The following CNTNAP2 variants were observed in gnomAD, a reference collection of about 807,000 sequenced individuals.
CNTNAP2 encodes the protein contactin associated protein 2.
CNTNAP2 carries 98 observed loss-of-function variants against 155.2 expected under a neutral mutation model. The ratio of observed to expected loss-of-function variants is 0.63; its 90% CI spans 0.54 to 0.75. The LOEUF (loss-of-function observed/expected upper bound fraction) is 0.75, where lower values mean the gene tolerates loss of function less well. Among genes scored for constraint, CNTNAP2 ranks in the 30% least tolerant of loss-of-function variants. The probability of loss-of-function intolerance (pLI) is 0.00; values close to 1 mark genes in which losing one functional copy is unlikely to be tolerated. For synonymous variants in CNTNAP2, 651 were observed against 631.2 expected (o/e 1.03, Z -0.47); for missense variants, 1,727 against 1,688.1 (o/e 1.02, Z -0.40).
intron 1 of CNTNAP2, among the ~76,000 whole-genome samples, chr7:146,375,945 C>T (rs1038781985): frequency 3.9e-5 from 6 of 152,110 alleles, no homozygotes; most frequent in Non-Finnish European, 8.8e-5. Flanking sequence ...TTTGCCTTCA[C>T]CCTAACAGAA....
rs189059792 is a variant in CNTNAP2 at position 148,214,593 on chromosome 7, G to C, written c.3011-2695G>C. Among the ~76,000 whole-genome samples, 563 of 152,230 alleles carry C rather than the reference G, an allele frequency of 3.7e-3. 15 individuals carry two copies. Among genetic ancestry groups the C allele is most frequent in the Admixed American group, 0.032 (486 of 15,266 alleles). ...TTTTTATGTATTTATTTATTTTTGA[G>C]ATGGAGTCTCTCTCTGCGGCCAGGC... On this transcript the variant is annotated intron_variant, in intron 18 of 23. Transcript: ENST00000361727.
chr7:148,072,001 C>T (rs181857857), intron 15 of CNTNAP2, among the ~76,000 whole-genome samples: 26 of 152,236 alleles, frequency 1.7e-4, no homozygotes, highest in Non-Finnish European at 2.8e-4. Flanking sequence ...ATCTGACTAG[C>T]GTATTAGTTA....
intron 23 of CNTNAP2, among the ~76,000 whole-genome samples, chr7:148,411,947 G>C (rs1052388898): frequency 5.3e-5 from 8 of 151,036 alleles, no homozygotes; most frequent in African/African-American, 2.0e-4. Context: ...CTTTATTGTT[G>C]TATCTTTTTT....
intron 21 of CNTNAP2, among the ~76,000 whole-genome samples, chr7:148,372,476 G>A (rs1250424876): frequency 6.6e-6 from 1 of 152,170 alleles, no homozygotes; most frequent in Non-Finnish European, 1.5e-5. Context: ...GGGAGGCAGA[G>A]GAGGGTAGAC....
chr7:148,212,685 C>T (rs1323594772), intron 18 of CNTNAP2, among the ~76,000 whole-genome samples: 3 of 152,120 alleles, frequency 2.0e-5, no homozygotes, highest in Non-Finnish European at 4.4e-5. Flanking sequence ...TTCAGTTATT[C>T]ATTCAGAAGA....
chr7:148,305,950 CTT>C (rs1219893773), intron 21 of CNTNAP2, among the ~76,000 whole-genome samples: 2 of 152,294 alleles, frequency 1.3e-5, no homozygotes, highest in African/African-American at 2.4e-5. Flanking sequence ...ATGACTTTCT[CTT>C]TGTTGATCTA....
chr7:146,870,237 A>G (rs1370224201), intron 3 of CNTNAP2, among the ~76,000 whole-genome samples: 1 of 149,340 alleles, frequency 6.7e-6, no homozygotes, highest in Non-Finnish European at 1.5e-5. Context: ...TTGGCAGGCT[A>G]TTTATTACTG....
chr7:146,575,644 A>G (rs1311311097), intron 1 of CNTNAP2, among the ~76,000 whole-genome samples: 1 of 152,220 alleles, frequency 6.6e-6, no homozygotes, highest in East Asian at 1.9e-4. Flanking sequence ...ATACTGGTGG[A>G]AAAGGCCAGA....
chr7:146,987,083 G>A lies in CNTNAP2; in HGVS notation c.403-56824G>A, dbSNP rs1267073424. Among the ~76,000 whole-genome samples the A allele has an allele frequency of 3.3e-5, 5 of 152,108 alleles. No individual in the cohort carries two copies. In the East Asian group the frequency reaches 7.7e-4, roughly 23 times the overall value. On this transcript the variant is annotated intron_variant, in intron 3 of 23. Transcript: ENST00000361727. ...ACAAAGAACCTGGAACACAGGCAAA[G>A]CTCAATAATTTTATTAAATTCAAAC...
intron 21 of CNTNAP2, among the ~76,000 whole-genome samples, chr7:148,304,556 T>C (rs928693825): frequency 6.6e-6 from 1 of 152,210 alleles, no homozygotes; most frequent in African/African-American, 2.4e-5. Flanking sequence ...AGAGTCTCTG[T>C]TGCAGTTACT....
intron 1 of CNTNAP2, among the ~76,000 whole-genome samples, chr7:146,339,223 A>G (rs760845895): frequency 2.0e-5 from 3 of 152,188 alleles, no homozygotes; most frequent in African/African-American, 7.2e-5. Flanking sequence ...AGAATCTAGT[A>G]TAATGCTATG....
At chr7:147,883,890 A>G (rs1020725449) in intron 13 of CNTNAP2, among the ~76,000 whole-genome samples, 1 of 152,206 alleles carries the variant, frequency 6.6e-6, no homozygotes, top group African/African-American at 2.4e-5. Context: ...CAACAGCTCA[A>G]CTCTACTGGA....
chr7:147,141,607 G>A (rs953628161), intron 8 of CNTNAP2, among the ~76,000 whole-genome samples: 1 of 151,990 alleles, frequency 6.6e-6, no homozygotes, highest in Non-Finnish European at 1.5e-5. Context: ...TTCAGCTAGT[G>A]AATAGAAGAG....
intron 1 of CNTNAP2, among the ~76,000 whole-genome samples, chr7:146,274,221 G>C (rs551657569): frequency 6.6e-6 from 1 of 152,252 alleles, no homozygotes; most frequent in East Asian, 1.9e-4. Context: ...GCACAATGCT[G>C]GCAATGCCAG....
At chr7:146,489,880 G>T (rs1343564146) in intron 1 of CNTNAP2, among the ~76,000 whole-genome samples, 1 of 152,070 alleles carries the variant, frequency 6.6e-6, no homozygotes, top group East Asian at 1.9e-4. Flanking sequence ...GGAGTGTGCT[G>T]ACTGGTTTGA....
At chr7:147,098,956 A>G (rs1193527757) in intron 4 of CNTNAP2, among the ~76,000 whole-genome samples, 1 of 152,072 alleles carries the variant, frequency 6.6e-6, no homozygotes, top group Non-Finnish European at 1.5e-5. Context: ...TATTACTTTT[A>G]TTACTGTGGC....
At chr7:146,261,263 T>A (rs1292327141) in intron 1 of CNTNAP2, among the ~76,000 whole-genome samples, 1 of 152,012 alleles carries the variant, frequency 6.6e-6, no homozygotes, top group Non-Finnish European at 1.5e-5. Context: ...AATAATACAC[T>A]TAGTTACTGA....
chr7:146,639,491 C>T (rs773834611), intron 1 of CNTNAP2, among the ~76,000 whole-genome samples: 9 of 129,970 alleles, frequency 6.9e-5, no homozygotes, highest in South Asian at 4.4e-4. Flanking sequence ...GGGAGGAAAC[C>T]GTACTTCAGA....
rs746117835 is a variant in CNTNAP2 at position 146,179,567 on chromosome 7, G to A, written c.97+62594G>A. Among the ~76,000 whole-genome samples, 7 of 151,968 alleles carry A rather than the reference G, an allele frequency of 4.6e-5. 1 individual carries two copies. The South Asian group carries it at 6.2e-4, about 14-fold the overall frequency. On this transcript the variant is annotated intron_variant, in intron 1 of 23. Transcript: ENST00000361727. ...CACACACACAAATAGCATGTTTTTC[G>A]AGAATTATTAAATATTGGGAACCTG...
Sources: allele counts gnomAD v4.1 joint callset (sites outside exome capture counted in the v4.1 genomes callset), GRCh38; gene constraint gnomAD v4.1.1; transcripts MANE v1.5; gene names NCBI Gene and HGNC (gene_info 2026-07-23, HGNC 2026-07-21).